Variants in NSMAF observed in about 807,000 individuals in gnomAD.
The protein encoded by NSMAF is protein FAN.
Under a neutral mutation model 134.9 loss-of-function variants are expected in NSMAF, and 90 were observed. That is an observed-to-expected ratio of 0.67 (90% CI 0.56 to 0.79). NSMAF has a LOEUF of 0.79. Ranked by LOEUF, NSMAF falls within the 30% of genes least tolerant of loss-of-function variation. The pLI, the probability that NSMAF is intolerant of heterozygous loss-of-function variation, is 0.00. For synonymous variants in NSMAF, 358 were observed against 389.6 expected, an observed-to-expected ratio of 0.92 and a Z score of 0.96; for missense variants, 1,010 against 1,119.0, an observed-to-expected ratio of 0.90 and a Z score of 1.39.
intron 1 of NSMAF, among the ~76,000 whole-genome samples, chr8:58,654,673 C>T (rs567793234): frequency 6.6e-6 from 1 of 152,252 alleles, no homozygotes; most frequent in African/African-American, 2.4e-5. Context: ...AATATGCAGG[C>T]ACCAAATACA....
chr8:58,632,569 G>T (rs79758009), intron 5 of NSMAF, among the ~76,000 whole-genome samples: 2,156 of 145,020 alleles, frequency 0.015, 57 homozygotes, highest in African/African-American at 0.051. Flanking sequence ...GTCTACTTTT[G>T]GACCTTGCTT....
At chr8:58,611,023 TG>T (rs1251628037) in intron 9 of NSMAF, among the ~76,000 whole-genome samples, 1 of 152,174 alleles carries the variant, frequency 6.6e-6, no homozygotes, top group Non-Finnish European at 1.5e-5. Context: ...GAATAAGAGG[TG>T]GCTTGACCAC....
chr8:58,637,041 C>CA (rs1491420668), intron 2 of NSMAF, among the ~76,000 whole-genome samples: 3,989 of 146,250 alleles, frequency 0.027, 186 homozygotes, highest in African/African-American at 0.1. Context: ...CACACACACA[C>CA]CCACACACAA....
chr8:58,585,433 C>T (rs779623869), intron 30 of NSMAF, among the ~76,000 whole-genome samples: 3 of 151,500 alleles, frequency 2.0e-5, no homozygotes, highest in Non-Finnish European at 4.4e-5. Context: ...TTAAAGACTT[C>T]CTTTTTGGAG....
At chr8:58,587,431 A>G (rs1187518542) in intron 27 of NSMAF, among the ~76,000 whole-genome samples, 187 bp downstream of exon 27, 1 of 152,258 alleles carries the variant, frequency 6.6e-6, no homozygotes, top group Non-Finnish European at 1.5e-5. Context: ...TGGAGAAAAA[A>G]TAAAACAAAA....
At chr8:58,605,617 G>A (rs1806387145) in intron 12 of NSMAF, among the ~76,000 whole-genome samples, 1 of 152,062 alleles carries the variant, frequency 6.6e-6, no homozygotes, top group Admixed American at 6.5e-5. Context: ...GACCCACAAA[G>A]AGGCGATTCT....
At chr8:58,587,752 C>A in intron 26 of NSMAF, 51 bp from the exon 27 acceptor site, 2 of 1,514,938 alleles carry the variant, frequency 1.3e-6, no homozygotes, top group South Asian at 1.2e-5. Context: ...AACAAAAAGT[C>A]ATTTTCTAGT....
rs1376737760 is a variant in NSMAF, at chr8:58,583,645, G to A, written c.*461C>T. The A allele has an allele frequency of 5.0e-6, 1 of 200,392 alleles. No individual in the cohort carries two copies. The highest frequency in any genetic ancestry group is 1.0e-5 in the Non-Finnish European group (1 of 99,430). The allele number at this position is 200,392 out of a possible 1,614,324, so 12.4% of individuals were successfully genotyped here. A position where few individuals can be genotyped will look rare whatever the true frequency, so the allele number is the denominator to read the frequency against. On this transcript the variant is annotated 3_prime_UTR_variant, in exon 31 of 31. Coordinates refer to ENST00000038176, the MANE Select transcript of NSMAF (RefSeq NM_003580.4). The stretch of plus-strand genomic sequence containing the variant: ...GAATCTGGGTACAGCATTATAGAAA[G>A]TAACCACGCTATGAAAACACACACC...
chr8:58,654,995 C>G (rs917117895), intron 1 of NSMAF, among the ~76,000 whole-genome samples: 8 of 152,032 alleles, frequency 5.3e-5, no homozygotes, highest in Admixed American at 3.3e-4. Flanking sequence ...CCACCACACC[C>G]GGCTAGTTTT....
intron 2 of NSMAF, among the ~76,000 whole-genome samples, chr8:58,638,778 C>T (rs1259372549): frequency 3.9e-5 from 6 of 152,022 alleles, no homozygotes; most frequent in African/African-American, 1.2e-4. Context: ...AATGGGATTA[C>T]ATAAAACAAA....
rs1807145842 is a variant in NSMAF at position 58,635,313 on chromosome 8, G to T, written c.288C>A (p.His96Gln). ...TGGTGAAAATGACATACTTTGTGAA[G>T]TGTCTATTGGCTCCATTTTCTCCAT... The part of the protein sequence containing the change: ...GKHGENGANR[H>Q]FTKAKSGGIS... The change falls in exon 4 of 31, where the codon CAC (histidine) becomes CAA (glutamine). Residue 96 changes from histidine (H) to glutamine (Q), a missense_variant. Transcript: ENST00000038176. 1 of 1,610,988 alleles carries T rather than the reference G, an allele frequency of 6.2e-7. No individual in the cohort carries two copies. The highest frequency in any genetic ancestry group is 8.5e-7 in the Non-Finnish European group (1 of 1,178,614).
At chr8:58,605,789 A>AGAATCACTT (rs2129141798) in intron 12 of NSMAF, 138 bp downstream of exon 12, 1 of 937,134 alleles carries the variant, frequency 1.1e-6, no homozygotes, top group East Asian at 3.9e-5. Context: ...CTGAGGCACA[A>AGAATCACTT]GAATCACTTG....
chr8:58,612,534 C>A (rs1806552978), intron 9 of NSMAF, among the ~76,000 whole-genome samples: 1 of 152,082 alleles, frequency 6.6e-6, no homozygotes, highest in Non-Finnish European at 1.5e-5. Flanking sequence ...TTCTGTGAGC[C>A]ATTCTAGTGA....
At chr8:58,594,339 T>A in intron 22 of NSMAF, 49 bp from the exon 23 acceptor site, 5 of 1,499,432 alleles carry the variant, frequency 3.3e-6, no homozygotes, top group Non-Finnish European at 4.6e-6. Context: ...TGTGTTAGGA[T>A]ACCCTCTTTG....
chr8:58,614,814 A>G (rs775718187), intron 9 of NSMAF, among the ~76,000 whole-genome samples: 1 of 152,196 alleles, frequency 6.6e-6, no homozygotes, highest in African/African-American at 2.4e-5. Flanking sequence ...TAAGTGATGC[A>G]TGACTATCCT....
intron 1 of NSMAF, among the ~76,000 whole-genome samples, chr8:58,644,178 A>C (rs1231826263): frequency 4.6e-5 from 7 of 152,210 alleles, no homozygotes; most frequent in Admixed American, 4.6e-4. Flanking sequence ...GAAGAAATTT[A>C]CATTAAACAT....
At chr8:58,637,092 A>G (rs986150471) in intron 2 of NSMAF, 3 of 297,764 alleles carry the variant, frequency 1.0e-5, no homozygotes, top group Non-Finnish European at 2.0e-5. Context: ...GAATTTTAAC[A>G]TTTATGAAAC....
chr8:58,606,095 A>G, intron 11 of NSMAF, 60 bp from the exon 12 acceptor site: 2 of 1,288,114 alleles, frequency 1.6e-6, no homozygotes, highest in Non-Finnish European at 2.1e-6. Context: ...TGCAATCCCA[A>G]TATAAGTATA....
At position 58,619,906 on chromosome 8, in the gene NSMAF, G is replaced by C. The variant is rs553384560; in HGVS notation, c.557+3314C>G. ...AGTGCCTAAGACCAAGAATATTGAAGACATAAGTGAAAAAGGAAAATAAGG... is the reference window on the plus strand; with the variant it reads ...AGTGCCTAAGACCAAGAATATTGAACACATAAGTGAAAAAGGAAAATAAGG... On this transcript the variant is annotated intron_variant, in intron 9 of 30. Transcript: ENST00000038176. Among the ~76,000 whole-genome samples, 4 of 152,132 alleles carry C rather than the reference G, an allele frequency of 2.6e-5. No homozygotes were observed. The East Asian group carries it at 7.7e-4, about 29-fold the overall frequency.
Sources: allele counts gnomAD v4.1 joint callset (sites outside exome capture counted in the v4.1 genomes callset), GRCh38; gene constraint gnomAD v4.1.1; transcripts MANE v1.5; gene names NCBI Gene and HGNC (gene_info 2026-07-23, HGNC 2026-07-21).